ADAMTSL1: variants seen among roughly 807,000 people sequenced by gnomAD.
ADAMTSL1 encodes ADAMTS-like protein 1.
In ADAMTSL1, 126 loss-of-function variants were observed where a neutral mutation model predicts 201.8. The ratio of observed to expected loss-of-function variants is 0.62; its 90% CI spans 0.54 to 0.72. The LOEUF (loss-of-function observed/expected upper bound fraction) is 0.72. ADAMTSL1 is among the 30% of genes least tolerant of loss of function. ADAMTSL1 has a pLI of 0.00. For missense variants in ADAMTSL1, 2,679 were observed against 2,277.8 expected, an observed-to-expected ratio of 1.18 and a Z score of -3.59; for synonymous variants, 1,121 against 903.4, an observed-to-expected ratio of 1.24 and a Z score of -4.32.
chr9:18,570,332 T>C (rs34330935), intron 3 of ADAMTSL1, among the ~76,000 whole-genome samples: 41,550 of 152,076 alleles, frequency 0.27, 6,212 homozygotes, highest in Admixed American at 0.36. Flanking sequence ...GGTAAATCTC[T>C]ATACAAATTA....
At chr9:18,083,204 A>G (rs1191285276) in intron 1 of ADAMTSL1, among the ~76,000 whole-genome samples, 1 of 152,218 alleles carries the variant, frequency 6.6e-6, no homozygotes, top group Non-Finnish European at 1.5e-5. Context: ...TTTTAGGGCC[A>G]TTGAAACAGT....
At position 18,421,589 on chromosome 9, in the gene ADAMTSL1, A is replaced by T. The variant is rs1394286425; in HGVS notation, c.208-83240A>T. Reference sequence around the variant, plus strand: ...TTGAAAGCAACATCCTCCCTCTCAAACCCTCTCCTGCTCAACAGGTCCCCT... The same window carrying T: ...TTGAAAGCAACATCCTCCCTCTCAATCCCTCTCCTGCTCAACAGGTCCCCT... On this transcript the variant is annotated intron_variant, in intron 2 of 29. Transcript: ENST00000680146. 2.6e-5 allele frequency among the ~76,000 whole-genome samples: 4 copies of T among 152,250 alleles called. 1 individual carries two copies. The highest frequency in any genetic ancestry group is 6.9e-3 in the Middle Eastern group (2 of 290).
At chr9:18,188,061 G>A (rs1029559131) in intron 2 of ADAMTSL1, among the ~76,000 whole-genome samples, 3 of 151,968 alleles carry the variant, frequency 2.0e-5, no homozygotes, top group Admixed American at 6.6e-5. Context: ...ACAGAGGGAC[G>A]GAAGATAAAC....
intron 1 of ADAMTSL1, among the ~76,000 whole-genome samples, chr9:18,151,391 A>G (rs1488659081): frequency 6.6e-6 from 1 of 152,066 alleles, no homozygotes; most frequent in Admixed American, 6.6e-5. Context: ...AGAGTTGGAA[A>G]GACTCTCAGA....
At chr9:18,473,379 T>C (rs1821295596), upstream of ADAMTSL1, among the ~76,000 whole-genome samples, 3 of 152,220 alleles carry the variant, frequency 2.0e-5, no homozygotes, top group South Asian at 6.2e-4. Flanking sequence ...TGAGGGTTTC[T>C]TTTTAAACTG....
rs535973541 is a variant in ADAMTSL1, at chr9:18,239,340, CT to C, written c.207+75360del. Among the ~76,000 whole-genome samples, 98 of 152,324 alleles carry C rather than the reference CT, an allele frequency of 6.4e-4. 1 individual carries two copies. Among genetic ancestry groups the C allele is most frequent in the African/African-American group, 2.3e-3 (95 of 41,568 alleles). On this transcript the variant is annotated intron_variant, in intron 2 of 29. Transcript: ENST00000680146. ...AAACTGGAGTCAGTCCTCTCAAACC[CT>C]GCTGCTGCTTTATGAACTAAATTTA...
At chr9:18,220,639 C>T (rs546617353) in intron 2 of ADAMTSL1, among the ~76,000 whole-genome samples, 1 of 151,962 alleles carries the variant, frequency 6.6e-6, no homozygotes, top group African/African-American at 2.4e-5. Context: ...TTATTTTTAC[C>T]GTCTTACTTG....
At chr9:18,270,053 C>T (rs983659386) in intron 2 of ADAMTSL1, among the ~76,000 whole-genome samples, 2 of 152,050 alleles carry the variant, frequency 1.3e-5, no homozygotes, top group East Asian at 3.9e-4. Context: ...TCCATATAGG[C>T]TGCTATAACA....
At chr9:18,829,142 A>G (rs1409278480) in intron 22 of ADAMTSL1, among the ~76,000 whole-genome samples, 1 of 152,174 alleles carries the variant, frequency 6.6e-6, no homozygotes, top group East Asian at 1.9e-4. Context: ...AGCAGAAATG[A>G]TAAGCCACTA....
intron 4 of ADAMTSL1, among the ~76,000 whole-genome samples, chr9:18,611,821 C>T (rs762972479): frequency 5.3e-5 from 8 of 152,200 alleles, no homozygotes; most frequent in Non-Finnish European, 1.0e-4. Flanking sequence ...GAAACCACGT[C>T]CTCCTCTATA....
chr9:18,765,676 A>G (rs1182603210), intron 16 of ADAMTSL1, among the ~76,000 whole-genome samples: 1 of 152,206 alleles, frequency 6.6e-6, no homozygotes, highest in African/African-American at 2.4e-5. Flanking sequence ...ATTCAATCCT[A>G]ATGTTTATTA....
intron 1 of ADAMTSL1, among the ~76,000 whole-genome samples, chr9:18,144,113 A>C (rs1749272232): frequency 6.6e-6 from 1 of 152,184 alleles, no homozygotes; most frequent in Non-Finnish European, 1.5e-5. Flanking sequence ...ACTTACTACA[A>C]GGACAAGTAA....
At chr9:18,905,667 T>TC (rs1830261408) in intron 26 of ADAMTSL1, 115 bp from the exon 27 acceptor site, 1 of 736,242 alleles carries the variant, frequency 1.4e-6, no homozygotes, top group Non-Finnish European at 2.3e-6. Flanking sequence ...ATGAATGGTC[T>TC]GAGAGCCTCC....
Position 18,657,688 on chromosome 9 carries a change from A to T in ADAMTSL1, c.884A>T (p.Gln295Leu), listed in dbSNP as rs1391524357. The change falls in exon 8 of 29, where the codon CAA (glutamine) becomes CTA (leucine). Residue 295 changes from glutamine (Q) to leucine (L), a missense_variant. Coordinates refer to ENST00000380548, the MANE Select transcript of ADAMTSL1 (RefSeq NM_001040272.6). The part of the protein sequence containing the change: ...ADSTVQFIFY[Q>L]PIIHRWRETD... ...AGTACAGTCCAGTTCATCTTCTATC[A>T]ACCCATCATCCACCGATGGAGGGAG... 2 of 1,614,180 alleles carry T rather than the reference A, an allele frequency of 1.2e-6. No homozygotes were observed. Among genetic ancestry groups the T allele is most frequent in the Admixed American group, 1.7e-5 (1 of 60,018 alleles).
intron 1 of ADAMTSL1, among the ~76,000 whole-genome samples, chr9:18,094,467 G>T (rs1022469341): frequency 6.6e-6 from 1 of 152,124 alleles, no homozygotes; most frequent in South Asian, 2.1e-4. Context: ...ATGCATTTTA[G>T]GTCTGTCATC....
At chr9:18,634,552 A>C (rs75893243) in intron 5 of ADAMTSL1, among the ~76,000 whole-genome samples, 3,383 of 151,548 alleles carry the variant, frequency 0.022, 71 homozygotes, top group African/African-American at 0.048. Context: ...TCAAAATAAT[A>C]ATAAGGGCTG....
At chr9:18,211,501 C>CA (rs1215308641) in intron 2 of ADAMTSL1, among the ~76,000 whole-genome samples, 1 of 152,050 alleles carries the variant, frequency 6.6e-6, no homozygotes, top group Non-Finnish European at 1.5e-5. Flanking sequence ...GCAAACAAAA[C>CA]AAAAAACCTC....
At chr9:18,027,641 G>C (rs1820760121) in intron 1 of ADAMTSL1, among the ~76,000 whole-genome samples, 1 of 151,960 alleles carries the variant, frequency 6.6e-6, no homozygotes, top group Non-Finnish European at 1.5e-5. Flanking sequence ...TGAGCATGTG[G>C]TTGATCTTAG....
At chr9:18,191,200 C>T (rs773466364) in intron 2 of ADAMTSL1, among the ~76,000 whole-genome samples, 32 of 152,196 alleles carry the variant, frequency 2.1e-4, no homozygotes, top group African/African-American at 5.1e-4. Flanking sequence ...CATCTGGTCC[C>T]GGGGATAGGG....
Sources: gnomAD v4.1 joint callset for allele counts (sites outside exome capture counted in the v4.1 genomes callset) on GRCh38, gnomAD v4.1.1 for gene constraint, MANE v1.5 for transcripts, NCBI Gene and HGNC (gene_info 2026-07-23, HGNC 2026-07-21) for gene names.